The following RNLS variants were observed in gnomAD, a reference collection of about 807,000 sequenced individuals.
The protein encoded by RNLS is renalase.
A neutral mutation model predicts 39.8 loss-of-function variants in RNLS; 39 were observed. The ratio of observed to expected loss-of-function variants is 0.98; its 90% CI spans 0.76 to 1.28. The LOEUF (loss-of-function observed/expected upper bound fraction) is 1.28, where lower values mean the gene tolerates loss of function less well. RNLS is among the 50% of genes most tolerant of loss of function. The probability of loss-of-function intolerance (pLI) is 0.00; values close to 1 mark genes in which losing one functional copy is unlikely to be tolerated. For synonymous variants in RNLS, 147 were observed against 150.7 expected (o/e 0.98, Z 0.18); for missense variants, 410 against 413.3 (o/e 0.99, Z 0.07).
chr10:88,551,005 C>T (rs1321632569), intron 4 of RNLS, among the ~76,000 whole-genome samples: 1 of 152,040 alleles, frequency 6.6e-6, no homozygotes, highest in Non-Finnish European at 1.5e-5. Context: ...TCAGTTTTTC[C>T]AAAGAAAATA....
At chr10:88,368,436 TTTCAGAA>T (rs1850285267) in intron 4 of RNLS, among the ~76,000 whole-genome samples, 2 of 152,122 alleles carry the variant, frequency 1.3e-5, no homozygotes, top group African/African-American at 4.8e-5. Flanking sequence ...TATATCCTCA[TTTCAGAA>T]AATTTGGCAA....
intron 4 of RNLS, among the ~76,000 whole-genome samples, chr10:88,550,729 T>C (rs943329676): frequency 6.6e-6 from 1 of 152,222 alleles, no homozygotes; most frequent in African/African-American, 2.4e-5. Flanking sequence ...TTTTCTGATA[T>C]CTACATCCTA....
chr10:88,559,541 A>G (rs1849055308), intron 4 of RNLS, among the ~76,000 whole-genome samples: 1 of 152,136 alleles, frequency 6.6e-6, no homozygotes, highest in Admixed American at 6.6e-5. Flanking sequence ...GTCCATTTTC[A>G]GCCTCCCAAA....
chr10:88,309,040 A>G (rs537701937), intron 6 of RNLS, among the ~76,000 whole-genome samples: 1 of 152,288 alleles, frequency 6.6e-6, no homozygotes, highest in African/African-American at 2.4e-5. Context: ...CACATATCAC[A>G]TGTTCTCACT....
At chr10:88,329,290 C>T (rs1423426361) in intron 5 of RNLS, among the ~76,000 whole-genome samples, 5 of 151,984 alleles carry the variant, frequency 3.3e-5, no homozygotes, top group South Asian at 2.1e-4. Flanking sequence ...TGGCCTCAAA[C>T]GATCCTCCTG....
Position 88,285,446 on chromosome 10 carries a change from C to A in RNLS, c.937G>T (p.Ala313Ser). ...TGAGTAAATCCATCCCCTCCACATG[C>A]AAGGAAAGGTTTGTGATGCAGAGTC... is the stretch of plus-strand genomic sequence containing the variant. ...QMTLHHKPFL[A>S]CGGDGFTQSN... The change falls in exon 7 of 7, where the codon GCA becomes TCA. Residue 313 changes from alanine (A) to serine (S), a missense_variant. Coordinates refer to ENST00000331772, the MANE Select transcript of RNLS (RefSeq NM_001031709.3). The A allele has an allele frequency of 6.2e-7, 1 of 1,613,280 alleles. No individual in the cohort carries two copies. The highest frequency in any genetic ancestry group is 8.5e-7 in the Non-Finnish European group (1 of 1,179,518).
intron 5 of RNLS, among the ~76,000 whole-genome samples, chr10:88,332,932 T>C (rs1178867752): frequency 6.6e-6 from 1 of 152,210 alleles, no homozygotes; most frequent in Admixed American, 6.5e-5. Flanking sequence ...TATGATTCAT[T>C]TAGCATAAGC....
At chr10:88,257,593 A>C in the RNLS span, among the ~76,000 whole-genome samples, 823 of 152,292 alleles carry the variant, frequency 5.4e-3, 9 homozygotes, top group African/African-American at 0.019. Flanking sequence ...GTGCCGATGA[A>C]TCCCTAGAGC....
intron 4 of RNLS, among the ~76,000 whole-genome samples, chr10:88,406,026 T>C (rs1853242234): frequency 1.3e-5 from 2 of 152,074 alleles, no homozygotes; most frequent in Admixed American, 6.6e-5. Flanking sequence ...ATAATTGTTT[T>C]GTTTGAGGAG....
intron 5 of RNLS, among the ~76,000 whole-genome samples, chr10:88,330,092 A>ATATATATAT (rs750773423): frequency 2.7e-4 from 38 of 138,222 alleles, no homozygotes; most frequent in Middle Eastern, 3.7e-3. Context: ...TATATATATA[A>ATATATATAT]ATATAAATAT....
chr10:88,489,730 T>C (rs184391850), intron 4 of RNLS, among the ~76,000 whole-genome samples: 2 of 152,290 alleles, frequency 1.3e-5, no homozygotes, highest in Non-Finnish European at 2.9e-5. Context: ...CAAATAGCCA[T>C]GTCTGTTGGA....
At chr10:88,192,221 C>T in the RNLS span, among the ~76,000 whole-genome samples, 86,867 of 151,748 alleles carry the variant, frequency 0.57, 25,137 homozygotes, top group East Asian at 0.67. Context: ...AACATGGACA[C>T]CCCTACGGTG....
chr10:88,200,991 CT>C, the RNLS span, among the ~76,000 whole-genome samples: 5,656 of 147,470 alleles, frequency 0.038, 112 homozygotes, highest in East Asian at 0.068. Context: ...AAAATGAATC[CT>C]TTTTTTTTTT....
chr10:88,229,051 A>G, the RNLS span, among the ~76,000 whole-genome samples: 2 of 152,202 alleles, frequency 1.3e-5, no homozygotes, highest in Admixed American at 1.3e-4. Context: ...CCCCTTCTTC[A>G]GATCTAGAAT....
At chr10:88,253,744 T>C in the RNLS span, among the ~76,000 whole-genome samples, 3 of 152,168 alleles carry the variant, frequency 2.0e-5, no homozygotes, top group African/African-American at 4.8e-5. Flanking sequence ...ATCCACACAC[T>C]GTGAAGAACG....
At chr10:88,442,545 G>A (rs1467238208) in intron 4 of RNLS, among the ~76,000 whole-genome samples, 1 of 152,044 alleles carries the variant, frequency 6.6e-6, no homozygotes, top group African/African-American at 2.4e-5. Context: ...ATCTTCACTT[G>A]CTTCCTAATT....
At chr10:88,294,002 C>T (rs1216764116) in intron 6 of RNLS, among the ~76,000 whole-genome samples, 2 of 152,182 alleles carry the variant, frequency 1.3e-5, no homozygotes, top group Non-Finnish European at 2.9e-5. Flanking sequence ...TACAGTAACA[C>T]ATGGTTCGTT....
At chr10:88,432,464 A>G (rs1401694924) in intron 4 of RNLS, among the ~76,000 whole-genome samples, 1 of 151,832 alleles carries the variant, frequency 6.6e-6, no homozygotes, top group Non-Finnish European at 1.5e-5. Context: ...ATTTATTGTC[A>G]TTGTTGGTAT....
intron 4 of RNLS, among the ~76,000 whole-genome samples, chr10:88,467,021 G>A (rs2133960490): frequency 6.6e-6 from 1 of 152,204 alleles, no homozygotes; most frequent in South Asian, 2.1e-4. Flanking sequence ...ATTTATAATG[G>A]AAATGCTGTC....
Sources: gnomAD v4.1 joint callset for allele counts (sites outside exome capture counted in the v4.1 genomes callset) on GRCh38, gnomAD v4.1.1 for gene constraint, MANE v1.5 for transcripts, NCBI Gene and HGNC (gene_info 2026-07-23, HGNC 2026-07-21) for gene names.